The following FMN1 variants were observed in gnomAD, a reference collection of about 807,000 sequenced individuals.
FMN1 encodes the protein formin 1, also known as formin-1.
Under a neutral mutation model 132.4 loss-of-function variants are expected in FMN1, and 110 were observed. The observed-to-expected ratio is 0.83, with a 90% CI of 0.71 to 0.97. The LOEUF (loss-of-function observed/expected upper bound fraction) is 0.97. FMN1 is among the 50% of genes least tolerant of loss of function. FMN1 has a pLI of 0.00. For synonymous variants in FMN1, 722 were observed against 651.7 expected, an observed-to-expected ratio of 1.11 and a Z score of -1.64; for missense variants, 1,792 against 1,705.3, an observed-to-expected ratio of 1.05 and a Z score of -0.90.
rs1366987950 is a variant in FMN1, at chr15:33,054,416, T to C, written c.2161+10541A>G. On this transcript the variant is annotated intron_variant, in intron 6 of 20. Transcript: ENST00000616417. ...TTTATTAAGTCCTCAACTATGACTA[T>C]GGCATCATTTCATTTTTACATGGGT... Among the ~76,000 whole-genome samples, 4 of 152,200 alleles carry C rather than the reference T, an allele frequency of 2.6e-5. No individual in the cohort carries two copies. The East Asian group carries it at 7.7e-4, about 29-fold the overall frequency.
intron 6 of FMN1, among the ~76,000 whole-genome samples, chr15:33,042,975 G>A (rs972352291): frequency 6.6e-6 from 1 of 151,982 alleles, no homozygotes; most frequent in Non-Finnish European, 1.5e-5. Context: ...AATAATGGAA[G>A]CGAAATCTAA....
intron 9 of FMN1, among the ~76,000 whole-genome samples, chr15:32,958,931 A>G (rs957611874): frequency 6.6e-6 from 1 of 151,368 alleles, no homozygotes; most frequent in Non-Finnish European, 1.5e-5. Flanking sequence ...AATCGTAGCT[A>G]CTTGGGAGGC....
intron 6 of FMN1, among the ~76,000 whole-genome samples, chr15:33,039,373 C>T (rs1235388578): frequency 6.6e-6 from 1 of 152,116 alleles, no homozygotes; most frequent in Non-Finnish European, 1.5e-5. Flanking sequence ...CACAGAGACC[C>T]TGGTAGAATA....
chr15:33,169,903 T>A (rs1463815928), intron 3 of FMN1, among the ~76,000 whole-genome samples: 1 of 152,044 alleles, frequency 6.6e-6, no homozygotes, highest in Non-Finnish European at 1.5e-5. Context: ...CATACTTGCA[T>A]AACAAATCAC....
chr15:32,979,650 T>G (rs1167883869), intron 7 of FMN1, among the ~76,000 whole-genome samples: 1 of 152,014 alleles, frequency 6.6e-6, no homozygotes, highest in African/African-American at 2.4e-5. Flanking sequence ...TTATGATGAA[T>G]TTCCAGGACA....
In FMN1 at chr15:32,768,402, T is replaced by C. The variant is rs1179736756; in HGVS notation, c.*5908A>G. ...GTTTGCCAAGGACATTAACAAACAA[T>C]TGCTAATGTGTGCCTGAAATCTGAT... is the stretch of plus-strand genomic sequence containing the variant. On this transcript the variant is annotated 3_prime_UTR_variant, in exon 21 of 21. Transcript: ENST00000616417. The C allele has an allele frequency of 6.6e-6, 1 of 152,228 alleles. No homozygotes were observed. The highest frequency in any genetic ancestry group is 1.5e-5 in the Non-Finnish European group (1 of 68,036). 9.4% of individuals were successfully genotyped at this position (152,228 alleles called of 1,614,324 possible). A position where few individuals can be genotyped will look rare whatever the true frequency, so the allele number is the denominator to read the frequency against.
intron 9 of FMN1, among the ~76,000 whole-genome samples, chr15:32,935,612 A>G (rs2061246465): frequency 6.7e-6 from 1 of 149,588 alleles, no homozygotes; most frequent in African/African-American, 2.5e-5. Flanking sequence ...TGTTCCATAC[A>G]TCCCTTAGAC....
intron 5 of FMN1, among the ~76,000 whole-genome samples, chr15:33,078,886 A>G (rs1453537423): frequency 6.6e-6 from 1 of 152,196 alleles, no homozygotes; most frequent in African/African-American, 2.4e-5. Context: ...GGAAGATACC[A>G]TGTGAGGCTC....
intron 7 of FMN1, among the ~76,000 whole-genome samples, chr15:32,984,947 G>A (rs529540883): frequency 7.6e-4 from 101 of 132,380 alleles, no homozygotes; most frequent in African/African-American, 3.0e-3. Flanking sequence ...AGTGCTTAAG[G>A]TCTCCTTTTC....
intron 17 of FMN1, among the ~76,000 whole-genome samples, chr15:32,847,389 C>T (rs2141244087): frequency 6.6e-6 from 1 of 152,282 alleles, no homozygotes; most frequent in South Asian, 2.1e-4. Flanking sequence ...CCAAACCCAA[C>T]CACTACCATC....
At chr15:33,077,339 CTTT>C (rs1286397800) in intron 5 of FMN1, among the ~76,000 whole-genome samples, 1 of 128,046 alleles carries the variant, frequency 7.8e-6, no homozygotes, top group Non-Finnish European at 1.6e-5. Flanking sequence ...CCGGCCCATC[CTTT>C]TTTTTTTTTT....
At chr15:33,136,649 G>C (rs753313070) in intron 4 of FMN1, among the ~76,000 whole-genome samples, 1 of 151,954 alleles carries the variant, frequency 6.6e-6, no homozygotes, top group East Asian at 1.9e-4. Flanking sequence ...AATTTGTGCT[G>C]GTCAATATAA....
At chr15:33,061,289 A>G (rs1221360980) in intron 6 of FMN1, among the ~76,000 whole-genome samples, 2 of 152,222 alleles carry the variant, frequency 1.3e-5, no homozygotes, top group East Asian at 3.8e-4. Flanking sequence ...TAAAGCTAGC[A>G]TGCTCGAGTC....
At chr15:33,131,086 T>A (rs907413443) in intron 4 of FMN1, among the ~76,000 whole-genome samples, 1 of 152,114 alleles carries the variant, frequency 6.6e-6, no homozygotes, top group African/African-American at 2.4e-5. Flanking sequence ...TCCCAGCACT[T>A]TGGGGGGCCG....
intron 6 of FMN1, among the ~76,000 whole-genome samples, chr15:33,028,079 A>G (rs1408119273): frequency 6.6e-6 from 1 of 152,220 alleles, no homozygotes; most frequent in Non-Finnish European, 1.5e-5. Context: ...CAGTGGCTTT[A>G]AACATTGACT....
At position 32,769,881 on chromosome 15, in the gene FMN1, A is replaced by G. The variant is rs1460690320; in HGVS notation, c.*4429T>C. Reference sequence around the variant, plus strand: ...TACAAAACAAATTTTAAAAAGTGGAAGCTTTTTCTTTCCTCTCCACTTTTT... The same window carrying G: ...TACAAAACAAATTTTAAAAAGTGGAGGCTTTTTCTTTCCTCTCCACTTTTT... On this transcript the variant is annotated 3_prime_UTR_variant, in exon 21 of 21. Coordinates refer to ENST00000616417, the MANE Select transcript of FMN1 (RefSeq NM_001277313.2). 6.6e-6 allele frequency: 1 copy of G among 152,198 alleles called. No homozygotes were observed. Among genetic ancestry groups the G allele is most frequent in the Non-Finnish European group, 1.5e-5 (1 of 68,042 alleles). 9.4% of individuals were successfully genotyped at this position (152,198 alleles called of 1,614,324 possible).
chr15:32,965,453 C>T (rs2031118268), intron 8 of FMN1, among the ~76,000 whole-genome samples: 1 of 152,112 alleles, frequency 6.6e-6, no homozygotes, highest in South Asian at 2.1e-4. Context: ...CATCTATATA[C>T]TTATTGTTTA....
chr15:33,152,736 T>C (rs1489032794), intron 4 of FMN1, among the ~76,000 whole-genome samples: 2 of 133,070 alleles, frequency 1.5e-5, no homozygotes, highest in Non-Finnish European at 3.0e-5. Flanking sequence ...CTGTTCCTGT[T>C]TTCCTTTGAG....
intron 6 of FMN1, among the ~76,000 whole-genome samples, chr15:33,009,662 C>G (rs1215577605): frequency 6.6e-6 from 1 of 152,198 alleles, no homozygotes; most frequent in East Asian, 1.9e-4. Flanking sequence ...CATTTCATCT[C>G]CACAATAACC....
Sources: allele counts gnomAD v4.1 joint callset (sites outside exome capture counted in the v4.1 genomes callset), GRCh38; gene constraint gnomAD v4.1.1; transcripts MANE v1.5; gene names NCBI Gene and HGNC (gene_info 2026-07-23, HGNC 2026-07-21).